TTC6: variants seen among roughly 807,000 people sequenced by gnomAD.
The protein encoded by TTC6 is tetratricopeptide repeat protein 6.
In TTC6, 172 loss-of-function variants were observed where a neutral mutation model predicts 210.4. The observed-to-expected ratio is 0.82, with a 90% CI of 0.72 to 0.93. The LOEUF is 0.93. TTC6 is among the 40% of genes least tolerant of loss of function. TTC6 has a pLI of 0.00. For synonymous variants in TTC6, 804 were observed against 819.6 expected, an observed-to-expected ratio of 0.98 and a Z score of 0.32; for missense variants, 2,414 against 2,318.1, an observed-to-expected ratio of 1.04 and a Z score of -0.85.
intron 14 of TTC6, among the ~76,000 whole-genome samples, chr14:37,784,557 A>T (rs950087896): frequency 2.0e-5 from 3 of 151,680 alleles, no homozygotes; most frequent in African/African-American, 7.3e-5. Flanking sequence ...CACACTGATG[A>T]CTCCTGACTC....
At chr14:37,738,800 A>G in exon 10 of TTC6, 1 of 1,510,846 alleles carries the variant, frequency 6.6e-7, no homozygotes, top group South Asian at 1.3e-5. Context: ...TGTAGACTTG[A>G]GGAAGGAGAA....
At chr14:37,751,100 A>T (rs768081245) in exon 13 of TTC6, 1 of 1,527,624 alleles carries the variant, frequency 6.5e-7, no homozygotes. Flanking sequence ...AAAAGACATA[A>T]CTTTGGCAAT....
chr14:37,725,031 ATTG>A (rs933174279), intron 7 of TTC6, 29 bp downstream of exon 9: 41 of 1,204,232 alleles, frequency 3.4e-5, no homozygotes, highest in African/African-American at 1.2e-4. Context: ...TTTCTCTATT[ATTG>A]TTGTTGTTAT....
intron 1 of TTC6, among the ~76,000 whole-genome samples, chr14:37,651,027 A>G (rs1263697860): frequency 6.6e-6 from 1 of 152,190 alleles, no homozygotes; most frequent in East Asian, 1.9e-4. Flanking sequence ...GTTCTTCACC[A>G]GAAAACATAT....
intron 25 of TTC6, among the ~76,000 whole-genome samples, chr14:37,816,052 CA>C (rs71127247): frequency 0.34 from 48,942 of 142,012 alleles, 8,422 homozygotes; most frequent in Non-Finnish European, 0.41. Context: ...TTAATTTTAG[CA>C]AAAAAAAAAA....
intron 14 of TTC6, among the ~76,000 whole-genome samples, chr14:37,784,130 G>A (rs2096062029): frequency 1.3e-5 from 2 of 152,208 alleles, no homozygotes; most frequent in South Asian, 4.1e-4. Context: ...GGAGAGTTCT[G>A]TAGATGTCTA....
intron 1 of TTC6, among the ~76,000 whole-genome samples, chr14:37,596,633 CTGAGCATGTG>C (rs1255210055): frequency 1.3e-5 from 2 of 152,304 alleles, no homozygotes; most frequent in Admixed American, 1.3e-4. Context: ...TTGTATATTT[CTGAGCATGTG>C]TGACTGTGTG....
exon 23 of TTC6, chr14:37,807,460 G>A (rs2096121082): frequency 6.7e-7 from 1 of 1,483,076 alleles, no homozygotes; most frequent in Non-Finnish European, 9.0e-7. Context: ...ACTACAACAA[G>A]GTAGGGCCAT....
intron 8 of TTC6, 74 bp from the exon 11 acceptor site, chr14:37,737,586 C>T: frequency 1.3e-6 from 1 of 791,814 alleles, no homozygotes; most frequent in Non-Finnish European, 1.9e-6. Context: ...CAGTTATTAG[C>T]CAAGTATTAT....
chr14:37,605,899 T>G (rs2095624261), intron 1 of TTC6, among the ~76,000 whole-genome samples: 1 of 152,066 alleles, frequency 6.6e-6, no homozygotes, highest in Non-Finnish European at 1.5e-5. Flanking sequence ...TCACAGGTTT[T>G]TTTTTTTTTC....
intron 1 of TTC6, among the ~76,000 whole-genome samples, chr14:37,627,094 C>T (rs990037042): frequency 6.6e-6 from 1 of 151,916 alleles, no homozygotes; most frequent in Non-Finnish European, 1.5e-5. Context: ...ATGTGTGGCC[C>T]CTTCCCCCCA....
chr14:37,763,130 C>T (rs1347583408), intron 14 of TTC6, among the ~76,000 whole-genome samples: 10 of 151,952 alleles, frequency 6.6e-5, no homozygotes, highest in African/African-American at 1.7e-4. Context: ...CTTCATGATC[C>T]GCCTGCCTCA....
intron 14 of TTC6, among the ~76,000 whole-genome samples, chr14:37,782,057 G>A (rs1282484306): frequency 2.0e-5 from 3 of 152,144 alleles, no homozygotes; most frequent in Admixed American, 6.5e-5. Flanking sequence ...AAGTCAGGTA[G>A]CGTGATGCCT....
chr14:37,625,547 T>TAA (rs34756083), intron 1 of TTC6, among the ~76,000 whole-genome samples: 15 of 136,424 alleles, frequency 1.1e-4, no homozygotes, highest in South Asian at 6.9e-4. Context: ...AGACTTCGTC[T>TAA]AAAAAAAAAA....
At chr14:37,831,115 C>T (rs1166514246) in intron 29 of TTC6, among the ~76,000 whole-genome samples, 2 of 152,098 alleles carry the variant, frequency 1.3e-5, no homozygotes, top group African/African-American at 4.8e-5. Flanking sequence ...CATCATTCTA[C>T]TCTCTCTGTT....
Position 37,807,472 on chromosome 14 carries a change from T to C in TTC6, c.4455+12T>C. 6.8e-7 allele frequency: 1 copy of C among 1,463,106 alleles called. No homozygotes were observed. The highest frequency in any genetic ancestry group is 9.1e-7 in the Non-Finnish European group (1 of 1,097,038). The allele number at this position is 1,463,106 out of a possible 1,614,324, so 90.6% of individuals were successfully genotyped here. A position where few individuals can be genotyped will look rare whatever the true frequency, so the allele number is the denominator to read the frequency against. On this transcript the variant is annotated intron_variant, in intron 23 of 30. Coordinates refer to ENST00000553443, the Ensembl canonical transcript of TTC6. Reference sequence around the variant, plus strand: ...AATACTACAACAAGGTAGGGCCATTTCCTGCCTGGTTTACCGAAATTTTAG... The same window carrying C: ...AATACTACAACAAGGTAGGGCCATTCCCTGCCTGGTTTACCGAAATTTTAG...
At chr14:37,716,303 A>C (rs553811963) in intron 6 of TTC6, among the ~76,000 whole-genome samples, 1 of 152,146 alleles carries the variant, frequency 6.6e-6, no homozygotes, top group Non-Finnish European at 1.5e-5. Context: ...AAGAAACCAG[A>C]CAGAGCAGAC....
chr14:37,827,312 G>C, exon 29 of TTC6: 1 of 1,613,072 alleles, frequency 6.2e-7, no homozygotes, highest in Non-Finnish European at 8.5e-7. Context: ...CCAAGTACTC[G>C]CTGGCTTACT....
intron 1 of TTC6, among the ~76,000 whole-genome samples, chr14:37,650,247 T>C (rs2095708826): frequency 6.6e-6 from 1 of 152,216 alleles, no homozygotes; most frequent in Non-Finnish European, 1.5e-5. Context: ...TACTGTGATA[T>C]AGTGATGCCC....
Sources: allele counts gnomAD v4.1 joint callset (sites outside exome capture counted in the v4.1 genomes callset), GRCh38; gene constraint gnomAD v4.1.1; transcripts MANE v1.5; gene names NCBI Gene and HGNC (gene_info 2026-07-23, HGNC 2026-07-21).